Variants in UNC5C observed in about 807,000 individuals in gnomAD.
UNC5C encodes the protein unc-5 netrin receptor C.
Under a neutral mutation model 99.8 loss-of-function variants are expected in UNC5C, and 47 were observed. The observed-to-expected ratio is 0.47, with a 90% CI of 0.37 to 0.60. The LOEUF is 0.60. Ranked by LOEUF, UNC5C falls within the 20% of genes least tolerant of loss-of-function variation. The probability of loss-of-function intolerance (pLI) is 0.00; values close to 1 mark genes in which losing one functional copy is unlikely to be tolerated. For synonymous variants in UNC5C, 487 were observed against 452.2 expected (o/e 1.08, Z -0.98); for missense variants, 1,062 against 1,165.9 (o/e 0.91, Z 1.30).
chr4:95,280,705 A>ACAACAACAACAC (rs1741026071), intron 3 of UNC5C, among the ~76,000 whole-genome samples: 1 of 151,868 alleles, frequency 6.6e-6, no homozygotes, highest in South Asian at 2.1e-4. Flanking sequence ...AACAACAACA[A>ACAACAACAACAC]CAACAAGAAA....
intron 12 of UNC5C, among the ~76,000 whole-genome samples, chr4:95,185,863 C>A (rs1736808631): frequency 6.6e-6 from 1 of 152,078 alleles, no homozygotes. Context: ...TTTTTAAACA[C>A]CAAATATTGA....
intron 4 of UNC5C, among the ~76,000 whole-genome samples, chr4:95,263,189 G>T (rs1308707456): frequency 6.6e-6 from 1 of 152,100 alleles, no homozygotes. Context: ...CATCATTATG[G>T]TGTCTGCATT....
chr4:95,519,475 C>A (rs1180117757), intron 1 of UNC5C, among the ~76,000 whole-genome samples: 2 of 151,990 alleles, frequency 1.3e-5, no homozygotes, highest in Non-Finnish European at 2.9e-5. Context: ...GCCCAAAACA[C>A]TGCATTGTTA....
intron 4 of UNC5C, among the ~76,000 whole-genome samples, chr4:95,261,179 C>T (rs1200904315): frequency 1.3e-5 from 2 of 152,154 alleles, no homozygotes; most frequent in African/African-American, 2.4e-5. Flanking sequence ...AAGACACATA[C>T]ATTTTAGCTA....
intron 2 of UNC5C, among the ~76,000 whole-genome samples, chr4:95,314,627 A>C (rs999814149): frequency 4.6e-5 from 7 of 152,228 alleles, no homozygotes; most frequent in African/African-American, 1.7e-4. Context: ...TAAAAAAGAT[A>C]TAAAATTCAT....
intron 12 of UNC5C, among the ~76,000 whole-genome samples, chr4:95,190,719 A>G (rs1737049122): frequency 6.6e-6 from 1 of 152,140 alleles, no homozygotes; most frequent in Non-Finnish European, 1.5e-5. Context: ...GCACATCTAC[A>G]CACGCGAACC....
At chr4:95,486,013 T>G (rs2149479713) in intron 1 of UNC5C, among the ~76,000 whole-genome samples, 1 of 151,840 alleles carries the variant, frequency 6.6e-6, no homozygotes, top group Admixed American at 6.6e-5. Context: ...ACCATAAAAA[T>G]ATTTTTCTGA....
rs1735907745 is a variant in UNC5C, at chr4:95,167,584, A to G, written c.*1650T>C. On this transcript the variant is annotated 3_prime_UTR_variant, in exon 16 of 16. Coordinates refer to ENST00000453304, the MANE Select transcript of UNC5C (RefSeq NM_003728.4). ...GATATCAAGATGCCAAGACAATAAT[A>G]AAAAACAGAATTTGCAACCAGTCAG... 1 of 152,220 alleles carries G rather than the reference A, an allele frequency of 6.6e-6. No homozygotes were observed. Among genetic ancestry groups the G allele is most frequent in the South Asian group, 2.1e-4 (1 of 4,830 alleles). 9.4% of individuals were successfully genotyped at this position (152,220 alleles called of 1,614,324 possible).
chr4:95,184,174 G>A (rs541116720), intron 13 of UNC5C, among the ~76,000 whole-genome samples: 2 of 152,256 alleles, frequency 1.3e-5, no homozygotes, highest in East Asian at 3.9e-4. Flanking sequence ...AGAGAGTCTG[G>A]CATGCAACCT....
intron 1 of UNC5C, among the ~76,000 whole-genome samples, chr4:95,459,805 G>A (rs1170977796): frequency 3.3e-5 from 5 of 152,086 alleles, no homozygotes; most frequent in Non-Finnish European, 7.4e-5. Flanking sequence ...TCTCATTATA[G>A]AATAGCACTC....
intron 12 of UNC5C, among the ~76,000 whole-genome samples, chr4:95,201,744 C>A (rs1452573072): frequency 4.6e-5 from 7 of 152,070 alleles, no homozygotes; most frequent in Admixed American, 6.5e-5. Context: ...GCTGGGACTA[C>A]AGATGCCTGC....
At chr4:95,349,542 TC>T (rs1408621794) in intron 1 of UNC5C, among the ~76,000 whole-genome samples, 12 of 151,488 alleles carry the variant, frequency 7.9e-5, no homozygotes, top group Non-Finnish European at 1.6e-4. Context: ...TCCTAGATTA[TC>T]AGTGATTCCT....
At chr4:95,368,170 C>G (rs1744630762) in intron 1 of UNC5C, among the ~76,000 whole-genome samples, 1 of 151,710 alleles carries the variant, frequency 6.6e-6, no homozygotes, top group Admixed American at 6.6e-5. Flanking sequence ...GAAATTATAT[C>G]ATAAATGAGT....
intron 1 of UNC5C, among the ~76,000 whole-genome samples, chr4:95,416,670 C>T (rs1245800427): frequency 6.6e-6 from 1 of 152,152 alleles, no homozygotes; most frequent in African/African-American, 2.4e-5. Flanking sequence ...CAAAAATATG[C>T]TTTCACTTTC....
intron 1 of UNC5C, among the ~76,000 whole-genome samples, chr4:95,510,336 A>C (rs1382741133): frequency 6.6e-6 from 1 of 152,050 alleles, no homozygotes; most frequent in Non-Finnish European, 1.5e-5. Context: ...AAAACAGACC[A>C]CTAGAGGGCA....
intron 4 of UNC5C, among the ~76,000 whole-genome samples, chr4:95,275,537 G>C (rs1740831557): frequency 6.6e-6 from 1 of 152,128 alleles, no homozygotes; most frequent in African/African-American, 2.4e-5. Flanking sequence ...GTTTGGGTTT[G>C]AACCTGGAAT....
At chr4:95,195,659 CT>C (rs1415604314) in intron 12 of UNC5C, among the ~76,000 whole-genome samples, 1 of 152,158 alleles carries the variant, frequency 6.6e-6, no homozygotes, top group Non-Finnish European at 1.5e-5. Flanking sequence ...ATATAACTAC[CT>C]TCTCCCTGTA....
intron 2 of UNC5C, among the ~76,000 whole-genome samples, chr4:95,333,830 A>T (rs1456053330): frequency 3.9e-5 from 6 of 152,134 alleles, no homozygotes; most frequent in Non-Finnish European, 5.9e-5. Flanking sequence ...AGTTTTTGTT[A>T]TTTCTCTTTC....
intron 12 of UNC5C, among the ~76,000 whole-genome samples, chr4:95,196,766 A>G (rs1203430583): frequency 2.3e-5 from 1 of 44,120 alleles, no homozygotes; most frequent in Non-Finnish European, 4.0e-5. Flanking sequence ...TATATATATT[A>G]TATTTATGTA....
Sources: gnomAD v4.1 joint callset for allele counts (sites outside exome capture counted in the v4.1 genomes callset) on GRCh38, gnomAD v4.1.1 for gene constraint, MANE v1.5 for transcripts, NCBI Gene and HGNC (gene_info 2026-07-23, HGNC 2026-07-21) for gene names.